Variants in PAXIP1 observed in about 807,000 individuals in gnomAD.
PAXIP1 encodes PAX interacting protein 1, also known as PAX-interacting protein 1.
In PAXIP1, 19 loss-of-function variants were observed where a neutral mutation model predicts 140.6. The observed-to-expected ratio is 0.14, with a 90% CI of 0.09 to 0.20. The LOEUF is 0.20. Among genes scored for constraint, PAXIP1 ranks in the 10% least tolerant of loss-of-function variants. The pLI is 1.00. For missense variants in PAXIP1, 920 were observed against 1,208.6 expected (o/e 0.76, Z 3.54); for synonymous variants, 442 against 444.6 (o/e 0.99, Z 0.07).
intron 13 of PAXIP1, among the ~76,000 whole-genome samples, chr7:154,957,963 G>A (rs1808597891): frequency 9.2e-6 from 1 of 108,518 alleles, no homozygotes; most frequent in African/African-American, 3.5e-5. Flanking sequence ...GACAGAGCGA[G>A]ACTCCGTCTC....
At chr7:154,965,083 T>A (rs1044909971) in intron 8 of PAXIP1, 14 of 152,368 alleles carry the variant, frequency 9.2e-5, no homozygotes, top group African/African-American at 3.4e-4. Flanking sequence ...GAATTGACAG[T>A]GGGAGTCTCC....
chr7:154,967,070 T>A (rs1366777438), intron 8 of PAXIP1, among the ~76,000 whole-genome samples: 1 of 152,156 alleles, frequency 6.6e-6, no homozygotes, highest in Non-Finnish European at 1.5e-5. Context: ...TGGGTGAAGG[T>A]CCTTTCTCAG....
Position 154,946,899 on chromosome 7 carries a change from A to G in PAXIP1, c.2923-86T>C, listed in dbSNP as rs1808007044. 7.4e-6 allele frequency: 8 copies of G among 1,082,708 alleles called. No homozygotes were observed. Among genetic ancestry groups the G allele is most frequent in the South Asian group, 1.6e-5 (1 of 60,722 alleles). The allele number at this position is 1,082,708 out of a possible 1,614,324, so 67.1% of individuals were successfully genotyped here. On this transcript the variant is annotated intron_variant, in intron 17 of 20. Transcript: ENST00000404141. The surrounding 1 kb of genome is among the most constrained non-coding windows in gnomAD (Gnocchi z 4.9). ...TAATTCTCATAGATTCTGCCCTGAG[A>G]TTTTTGACAAAATTTCAAATTTTAT...
chr7:154,969,017 G>A lies in PAXIP1; in HGVS notation c.1184C>T (p.Thr395Ile), dbSNP rs199937188. 8.2e-4 allele frequency: 1,271 copies of A among 1,550,518 alleles called. 1 individual carries two copies. Among genetic ancestry groups the A allele is most frequent in the Non-Finnish European group, 1.1e-3 (1,216 of 1,146,562 alleles). The change falls in exon 7 of 21, where the codon ACT becomes ATT. Residue 395 changes from threonine (T) to isoleucine (I), a missense_variant. Physicochemically the swap from Thr to Ile is moderately conservative, Grantham distance 89. Coordinates refer to ENST00000404141, the MANE Select transcript of PAXIP1 (RefSeq NM_007349.4). ...CTGCTGTAGCATGTGTGTCTCTGGA[G>A]TCACTTTCACTTGGCTAAACAGCAC... is the stretch of plus-strand genomic sequence containing the variant. ...NAVLFSQVKV[T>I]PETHMLQQQQ...
intron 3 of PAXIP1, among the ~76,000 whole-genome samples, chr7:154,992,858 A>G (rs796388955): frequency 5.3e-5 from 8 of 152,286 alleles, no homozygotes; most frequent in African/African-American, 1.9e-4. Context: ...TGTTTTCCCT[A>G]TTTCTCTATA....
chr7:154,972,303 A>G (rs1809366180), intron 6 of PAXIP1, among the ~76,000 whole-genome samples: 2 of 152,330 alleles, frequency 1.3e-5, no homozygotes, highest in East Asian at 1.9e-4. Flanking sequence ...CCTGGCCAAC[A>G]TGGCAAAAAC....
At chr7:154,972,346 G>A (rs926444630) in intron 6 of PAXIP1, among the ~76,000 whole-genome samples, 7 of 152,068 alleles carry the variant, frequency 4.6e-5, no homozygotes, top group African/African-American at 1.7e-4. Flanking sequence ...AACATTAGCC[G>A]GGCGTGGTAA....
chr7:154,990,310 G>C (rs1314319601), intron 4 of PAXIP1, among the ~76,000 whole-genome samples: 1 of 152,032 alleles, frequency 6.6e-6, no homozygotes, highest in Non-Finnish European at 1.5e-5. Context: ...CAAAGTGCTG[G>C]GATTATAGGC....
At chr7:154,967,041 A>G (rs1809058012) in intron 8 of PAXIP1, among the ~76,000 whole-genome samples, 1 of 152,196 alleles carries the variant, frequency 6.6e-6, no homozygotes, top group African/African-American at 2.4e-5. Flanking sequence ...TTTTCTTAAC[A>G]CATCACCCCA....
chr7:154,995,525 A>T (rs1024208588), intron 2 of PAXIP1, among the ~76,000 whole-genome samples: 1 of 152,242 alleles, frequency 6.6e-6, no homozygotes, highest in Non-Finnish European at 1.5e-5. Context: ...GTGATAAGGA[A>T]CTATTTATCC....
intron 10 of PAXIP1, 88 bp downstream of exon 10, chr7:154,962,233 G>A (rs1463442716): frequency 8.4e-6 from 12 of 1,430,790 alleles, no homozygotes; most frequent in Admixed American, 1.9e-5. Context: ...AGAAGCCAAC[G>A]CAGGAGCCTC....
intron 16 of PAXIP1, chr7:154,951,010 G>T (rs1419463536): frequency 6.6e-6 from 1 of 152,378 alleles, no homozygotes; most frequent in Non-Finnish European, 1.5e-5. Flanking sequence ...AGGATTTTCA[G>T]GGCAGTGGAA....
Position 154,954,354 on chromosome 7 carries a change from C to G in PAXIP1, c.2722G>C (p.Val908Leu). ...QKCTHLIASK[V>L]TRTVKFLTAI... Reference sequence around the variant, plus strand: ...GTCAGGAACTTCACGGTGCGAGTCACTTTGCTGGCAATGAGGTGTGTGCAC... The same window carrying G: ...GTCAGGAACTTCACGGTGCGAGTCAGTTTGCTGGCAATGAGGTGTGTGCAC... The change falls in exon 16 of 21, where the codon GTG becomes CTG. Residue 908 changes from valine (V) to leucine (L), a missense_variant. By Grantham distance (32) the Val-to-Leu change is conservative. This residue lies in a region of PAXIP1 where 303 missense variants were observed against 517.9 expected (regional missense o/e 0.59). Transcript: ENST00000404141. This position sits in a 1 kb window ranked among gnomAD's most constrained non-coding sequence, Gnocchi z 5.1. The G allele has an allele frequency of 6.2e-7, 1 of 1,609,492 alleles. No homozygotes were observed. Among genetic ancestry groups the G allele is most frequent in the Non-Finnish European group, 8.5e-7 (1 of 1,176,620 alleles).
At position 154,974,990 on chromosome 7, in the gene PAXIP1, C is replaced by CAAA. The variant is rs59174178; in HGVS notation, c.1074+703_1074+705dup. ...TGAAACTCTGTCTCTACTAAAAATACAAAAAAAAAAAAAAAAATTAGCCAG... is the reference window on the plus strand; with the variant it reads ...TGAAACTCTGTCTCTACTAAAAATACAAAAAAAAAAAAAAAAAAAATTAGCCAG... On this transcript the variant is annotated intron_variant, in intron 6 of 20. Transcript: ENST00000404141. Among the ~76,000 whole-genome samples, 260 of 122,170 alleles carry CAAA rather than the reference C, an allele frequency of 2.1e-3. 2 individuals are homozygous for CAAA. Among genetic ancestry groups the CAAA allele is most frequent in the African/African-American group, 3.1e-3 (94 of 30,790 alleles). 80.1% of individuals were successfully genotyped at this position (122,170 alleles called of 152,430 possible). A position where few individuals can be genotyped will look rare whatever the true frequency, so the allele number is the denominator to read the frequency against.
In PAXIP1 at chr7:154,946,765, T is replaced by G. The variant is rs754964854; in HGVS notation, c.2971A>C (p.Met991Leu). Residue 991 changes from methionine (M) to leucine (L), a missense_variant, in exon 18 of 21, where the codon ATG (methionine) becomes CTG (leucine). Physicochemically the swap from Met to Leu is conservative, Grantham distance 15. Transcript: ENST00000404141. This position sits in a 1 kb window ranked among gnomAD's most constrained non-coding sequence, Gnocchi z 4.9. ...TPGICPSLST[M>L]KAIVECAGGK... ...CCTGCACACTCTACGATTGCCTTCA[T>G]AGTGGAAAGACTTGGGCAGATTCCA... 6 of 1,612,140 alleles carry G rather than the reference T, an allele frequency of 3.7e-6. No individual in the cohort carries two copies. The highest frequency in any genetic ancestry group is 1.7e-5 in the Admixed American group (1 of 59,776).
At chr7:154,953,128 ATAAATAAGGTGAGTT>A (rs1396564449) in intron 16 of PAXIP1, among the ~76,000 whole-genome samples, 1 of 151,290 alleles carries the variant, frequency 6.6e-6, no homozygotes, top group African/African-American at 2.4e-5. Context: ...CTGTTAAGTG[ATAAATAAGGTGAGTT>A]TAGCCACAAG....
intron 5 of PAXIP1, among the ~76,000 whole-genome samples, chr7:154,980,535 T>C (rs1484634783): frequency 6.6e-6 from 1 of 152,030 alleles, no homozygotes; most frequent in East Asian, 1.9e-4. Context: ...CCGTCTCAGC[T>C]TCCCAAGTAG....
chr7:154,965,322 T>C (rs555843921), intron 8 of PAXIP1: 5 of 152,402 alleles, frequency 3.3e-5, no homozygotes, highest in East Asian at 3.9e-4. Flanking sequence ...CCTCAGGAGA[T>C]AGCTGAGCCA....
intron 5 of PAXIP1, among the ~76,000 whole-genome samples, chr7:154,978,563 A>T (rs995240059): frequency 2.0e-5 from 3 of 152,222 alleles, no homozygotes; most frequent in African/African-American, 7.2e-5. Context: ...AATTTCTACT[A>T]GAGATTTTCA....
Sources: allele counts gnomAD v4.1 joint callset (sites outside exome capture counted in the v4.1 genomes callset), GRCh38; gene constraint gnomAD v4.1.1; regional missense constraint gnomAD v4.1.1; non-coding constraint Gnocchi (gnomAD v3.1); transcripts MANE v1.5; gene names NCBI Gene and HGNC (gene_info 2026-07-23, HGNC 2026-07-21).